The following KCNK1 variants were observed in gnomAD, a reference collection of about 807,000 sequenced individuals.
KCNK1 encodes potassium channel subfamily K member 1.
KCNK1 carries 10 observed loss-of-function variants against 22.2 expected under a neutral mutation model. The ratio of observed to expected loss-of-function variants is 0.45; its 90% CI spans 0.28 to 0.76. The LOEUF (loss-of-function observed/expected upper bound fraction) is 0.76. KCNK1 is among the 30% of genes least tolerant of loss of function. The pLI is 0.14. For missense variants in KCNK1, 378 were observed against 421.0 expected, an observed-to-expected ratio of 0.90 and a Z score of 0.89; for synonymous variants, 200 against 186.4, an observed-to-expected ratio of 1.07 and a Z score of -0.60.
chr1:233,648,691 T>C (rs537269850), intron 1 of KCNK1, among the ~76,000 whole-genome samples: 1 of 152,070 alleles, frequency 6.6e-6, no homozygotes, highest in African/African-American at 2.4e-5. Context: ...CTCAGCCTCT[T>C]GAGTAGCTGG....
intron 1 of KCNK1, among the ~76,000 whole-genome samples, chr1:233,651,872 A>G (rs1658206485): frequency 6.6e-6 from 1 of 152,222 alleles, no homozygotes. Context: ...TGTCTCCTAC[A>G]AGACGTTTAT....
chr1:233,649,815 G>A, intron 1 of KCNK1: 1 of 381,688 alleles, frequency 2.6e-6, no homozygotes, highest in Non-Finnish European at 5.4e-6. Flanking sequence ...GGAAGTTGGG[G>A]GAACACAAAC....
At chr1:233,655,002 G>A (rs945690526) in intron 1 of KCNK1, among the ~76,000 whole-genome samples, 3 of 152,118 alleles carry the variant, frequency 2.0e-5, no homozygotes, top group African/African-American at 4.8e-5. Flanking sequence ...CACCCCAGCA[G>A]CCCCAGACCT....
chr1:233,663,863 G>T (rs147955588), intron 1 of KCNK1, among the ~76,000 whole-genome samples: 7 of 151,808 alleles, frequency 4.6e-5, no homozygotes, highest in African/African-American at 1.7e-4. Context: ...ACAGAGTCTC[G>T]CTGTGTCACC....
At chr1:233,640,439 T>C (rs1429383855) in intron 1 of KCNK1, among the ~76,000 whole-genome samples, 1 of 152,214 alleles carries the variant, frequency 6.6e-6, no homozygotes, top group Non-Finnish European at 1.5e-5. Context: ...AGCGGACTCA[T>C]TATATTCTAA....
Position 233,619,896 on chromosome 1 carries a change from C to T in KCNK1, c.355+5370C>T, listed in dbSNP as rs987904596. 4.6e-5 allele frequency among the ~76,000 whole-genome samples: 6 copies of T among 129,384 alleles called. No homozygotes were observed. The South Asian group carries it at 8.0e-4, about 17-fold the overall frequency. 84.9% of individuals were successfully genotyped at this position (129,384 alleles called of 152,430 possible). ...CTGCACACCAACCTGGGCAGCAGAG[C>T]GAGACTCCTCCGTCTAAGCGAGGGG... On this transcript the variant is annotated intron_variant, in intron 1 of 2. Transcript: ENST00000366621.
chr1:233,633,834 G>T (rs932554607), intron 1 of KCNK1, among the ~76,000 whole-genome samples: 2 of 152,010 alleles, frequency 1.3e-5, no homozygotes, highest in Non-Finnish European at 2.9e-5. Flanking sequence ...GGTGTTAGGG[G>T]AAAACCCTAA....
At chr1:233,665,732 C>A (rs538349732) in intron 1 of KCNK1, among the ~76,000 whole-genome samples, 1 of 152,334 alleles carries the variant, frequency 6.6e-6, no homozygotes, top group East Asian at 1.9e-4. Context: ...CAGTTGACAG[C>A]AAGGCAGTGT....
chr1:233,653,220 C>G (rs569776816), intron 1 of KCNK1, among the ~76,000 whole-genome samples: 6 of 152,326 alleles, frequency 3.9e-5, no homozygotes, highest in African/African-American at 7.2e-5. Flanking sequence ...AAAGTTCCCC[C>G]CTTGATTCCT....
At chr1:233,659,191 T>G (rs144527565) in intron 1 of KCNK1, among the ~76,000 whole-genome samples, 1 of 150,534 alleles carries the variant, frequency 6.6e-6, no homozygotes, top group East Asian at 2.0e-4. Context: ...AATTTTTCAG[T>G]TTTTTTTTAC....
At chr1:233,624,623 A>G (rs1171168274) in intron 1 of KCNK1, among the ~76,000 whole-genome samples, 1 of 152,220 alleles carries the variant, frequency 6.6e-6, no homozygotes, top group Non-Finnish European at 1.5e-5. Flanking sequence ...AAAATGAAGA[A>G]GGTTCTAAAG....
chr1:233,663,239 G>A (rs1031654316), intron 1 of KCNK1, among the ~76,000 whole-genome samples: 2 of 152,072 alleles, frequency 1.3e-5, no homozygotes, highest in Admixed American at 6.5e-5. Context: ...CATCAGGAGA[G>A]GAAAATTACT....
intron 1 of KCNK1, among the ~76,000 whole-genome samples, chr1:233,665,955 G>A (rs57799846): frequency 0.31 from 47,791 of 152,146 alleles, 7,973 homozygotes; most frequent in East Asian, 0.43. Context: ...AGTTACTCAT[G>A]TCAAGGGTGC....
At chr1:233,649,623 C>T (rs1658163971) in intron 1 of KCNK1, among the ~76,000 whole-genome samples, 1 of 152,182 alleles carries the variant, frequency 6.6e-6, no homozygotes, top group African/African-American at 2.4e-5. Context: ...TAAGGGCTTG[C>T]TCTCTGCTGG....
At chr1:233,648,951 A>G (rs1658151627) in intron 1 of KCNK1, among the ~76,000 whole-genome samples, 1 of 152,160 alleles carries the variant, frequency 6.6e-6, no homozygotes, top group Non-Finnish European at 1.5e-5. Context: ...TCTGGGACCA[A>G]GCTGGAGAGA....
intron 1 of KCNK1, among the ~76,000 whole-genome samples, chr1:233,621,941 G>A (rs1467163398): frequency 6.6e-6 from 1 of 151,694 alleles, no homozygotes; most frequent in Non-Finnish European, 1.5e-5. Flanking sequence ...ATTGCTCATT[G>A]GAGTGTTACT....
At chr1:233,644,110 A>G (rs1298109624) in intron 1 of KCNK1, among the ~76,000 whole-genome samples, 8 of 152,224 alleles carry the variant, frequency 5.3e-5, no homozygotes. Context: ...AGATCGAGGT[A>G]CCAACTTCTG....
chr1:233,656,467 C>T lies in KCNK1; in HGVS notation c.356-10128C>T, dbSNP rs548651122. ...CAGGCAGTGTCAGCTGCCAGGCCTG[C>T]AGAAAATTATGTTTTTTGGAGCAAT... On this transcript the variant is annotated intron_variant, in intron 1 of 2. Transcript: ENST00000366621. Among the ~76,000 whole-genome samples, 3 of 152,258 alleles carry T rather than the reference C, an allele frequency of 2.0e-5. No homozygotes were observed. The South Asian group carries it at 6.2e-4, about 32-fold the overall frequency.
intron 2 of KCNK1, among the ~76,000 whole-genome samples, chr1:233,670,346 C>T (rs1229814236): frequency 6.6e-6 from 1 of 152,106 alleles, no homozygotes; most frequent in Non-Finnish European, 1.5e-5. Context: ...TGTAGATAGC[C>T]ATGCACAAGG....
Sources: allele counts gnomAD v4.1 joint callset (sites outside exome capture counted in the v4.1 genomes callset), GRCh38; gene constraint gnomAD v4.1.1; transcripts MANE v1.5; gene names NCBI Gene and HGNC (gene_info 2026-07-23, HGNC 2026-07-21).